ARHGAP11A: variants seen among roughly 807,000 people sequenced by gnomAD.
ARHGAP11A encodes rho GTPase-activating protein 11A.
In ARHGAP11A, 36 loss-of-function variants were observed where a neutral mutation model predicts 60.5. That is an observed-to-expected ratio of 0.59 (90% CI 0.46 to 0.79). ARHGAP11A has a LOEUF of 0.79. Ranked by LOEUF, ARHGAP11A falls within the 30% of genes least tolerant of loss-of-function variation. ARHGAP11A has a pLI of 0.00. For synonymous variants in ARHGAP11A, 362 were observed against 415.5 expected (o/e 0.87, Z 1.57); for missense variants, 1,071 against 1,199.2 (o/e 0.89, Z 1.58).
chr15:32,624,828 T>C (rs2053420138), intron 4 of ARHGAP11A, among the ~76,000 whole-genome samples: 1 of 151,518 alleles, frequency 6.6e-6, no homozygotes, highest in Non-Finnish European at 1.5e-5. Context: ...CAGATAAAGA[T>C]GTTCAATTTG....
intron 8 of ARHGAP11A, 97 bp from the exon 9 acceptor site, chr15:32,632,882 G>T: frequency 8.7e-7 from 1 of 1,151,872 alleles, no homozygotes; most frequent in African/African-American, 1.6e-5. Context: ...GCTTGGGATA[G>T]AAATTAAGGC....
At chr15:32,635,694 A>G in intron 10 of ARHGAP11A, 83 bp from the exon 11 acceptor site, 3 of 971,630 alleles carry the variant, frequency 3.1e-6, no homozygotes, top group Non-Finnish European at 4.2e-6. Context: ...AAAGATTTTG[A>G]TAACTACAAA....
chr15:32,634,894 C>T (rs1255104356), intron 10 of ARHGAP11A, among the ~76,000 whole-genome samples: 1 of 152,200 alleles, frequency 6.6e-6, no homozygotes, highest in Admixed American at 6.5e-5. Flanking sequence ...TACTACTTTT[C>T]CCACTTTCTC....
Position 32,639,222 on chromosome 15 carries a change from A to G in ARHGAP11A, c.*1377A>G, listed in dbSNP as rs1567063465. ...GTAGAGGAAGGAATAAGCAGACAGA[A>G]TCAACCACTAAAGGTAGTTTTTCAG... On this transcript the variant is annotated 3_prime_UTR_variant, in exon 12 of 12. Transcript: ENST00000361627. 2 of 152,254 alleles carry G rather than the reference A, an allele frequency of 1.3e-5. No homozygotes were observed. The highest frequency in any genetic ancestry group is 4.8e-5 in the African/African-American group (2 of 41,466). The allele number at this position is 152,254 out of a possible 1,614,324, so 9.4% of individuals were successfully genotyped here.
At chr15:32,630,946 C>T (rs1213179208) in intron 8 of ARHGAP11A, among the ~76,000 whole-genome samples, 1 of 152,046 alleles carries the variant, frequency 6.6e-6, no homozygotes, top group African/African-American at 2.4e-5. Context: ...TTCTACCTGC[C>T]TTTGCTTATT....
Position 32,627,791 on chromosome 15 carries a change from C to T in ARHGAP11A, c.863-937C>T, listed in dbSNP as rs545989694. On this transcript the variant is annotated intron_variant, in intron 6 of 11. Coordinates refer to ENST00000361627, the MANE Select transcript of ARHGAP11A (RefSeq NM_014783.6). ...ATGCCTCCTCCTTGAATCTACCCTA[C>T]ATATTGCTATTAAGGCTCACTTTTT... Among the ~76,000 whole-genome samples, 3 of 148,260 alleles carry T rather than the reference C, an allele frequency of 2.0e-5. No homozygotes were observed. The East Asian group carries it at 6.1e-4, about 30-fold the overall frequency.
chr15:32,617,560 C>T (rs55975208), intron 1 of ARHGAP11A, among the ~76,000 whole-genome samples: 20,030 of 149,928 alleles, frequency 0.13, 1,648 homozygotes, highest in East Asian at 0.26. Flanking sequence ...CAAGCTCTGC[C>T]TCCCGGGTTC....
chr15:32,637,571 A>G lies in ARHGAP11A; in HGVS notation c.2798A>G (p.Lys933Arg), dbSNP rs2053753797. Residue 933 changes from lysine to arginine, a missense_variant, in exon 12 of 12, where the codon AAG (lysine) becomes AGG (arginine). Around this residue, in one of 4 missense-constraint regions of ARHGAP11A, gnomAD observed 776 missense variants for 760.2 expected, o/e 1.02. Coordinates refer to ENST00000361627, the MANE Select transcript of ARHGAP11A (RefSeq NM_014783.6). ...TCGAAATCTTTCTTAAAGATGAGGAAGCACCCAGATTCAGTGAATGCTTCT... is the reference window on the plus strand; with the variant it reads ...TCGAAATCTTTCTTAAAGATGAGGAGGCACCCAGATTCAGTGAATGCTTCT... ...LPSKSFLKMRKHPDSVNASLR... is the reference protein window; with the variant it reads ...LPSKSFLKMRRHPDSVNASLR... The G allele has an allele frequency of 6.2e-7, 1 of 1,614,100 alleles. No homozygotes were observed. Among genetic ancestry groups the G allele is most frequent in the African/African-American group, 1.3e-5 (1 of 74,944 alleles).
Position 32,637,448 on chromosome 15 carries a change from CTG to C in ARHGAP11A, c.2677_2678del (p.Val893PhefsTer8). ...ATAGAAAGTGCATCAAAAGATTCCTCTGTTTCATGTATCAAATCAGGTCCTAA... is the reference window on the plus strand; with the variant it reads ...ATAGAAAGTGCATCAAAAGATTCCTCTTTCATGTATCAAATCAGGTCCTAA... On this transcript the variant is annotated frameshift_variant, in exon 12 of 12. Transcript: ENST00000361627. LOFTEE classifies it low-confidence loss of function (END_TRUNC). The C allele has an allele frequency of 6.2e-7, 1 of 1,614,066 alleles. No individual in the cohort carries two copies. Among genetic ancestry groups the C allele is most frequent in the Non-Finnish European group, 8.5e-7 (1 of 1,180,026 alleles).
Position 32,637,245 on chromosome 15 carries a change from A to T in ARHGAP11A, c.2472A>T (p.Arg824Ser). ...FNKLSLNEPN[R>S]IKVKSPLKFQ... Reference sequence around the variant, plus strand: ...AGCTTTCTTTAAATGAACCAAATAGAATAAAAGTCAAGTCACCTCTTAAGT... The same window carrying T: ...AGCTTTCTTTAAATGAACCAAATAGTATAAAAGTCAAGTCACCTCTTAAGT... The change falls in exon 12 of 12, where the codon AGA becomes AGT. Residue 824 changes from arginine to serine, a missense_variant. Physicochemically the swap from Arg to Ser is moderately radical, Grantham distance 110. This residue lies in a region of ARHGAP11A where 776 missense variants were observed against 760.2 expected (regional missense o/e 1.02). Transcript: ENST00000361627. The T allele has an allele frequency of 1.2e-6, 2 of 1,614,234 alleles. No individual in the cohort carries two copies. Among genetic ancestry groups the T allele is most frequent in the Non-Finnish European group, 1.7e-6 (2 of 1,180,042 alleles).
chr15:32,619,290 T>C lies in ARHGAP11A; in HGVS notation c.130-818T>C, dbSNP rs1415053001. Among the ~76,000 whole-genome samples, 4 of 152,188 alleles carry C rather than the reference T, an allele frequency of 2.6e-5. No individual in the cohort carries two copies. In the East Asian group the frequency reaches 7.7e-4, roughly 29 times the overall value. On this transcript the variant is annotated intron_variant, in intron 1 of 11. Transcript: ENST00000361627. The stretch of plus-strand genomic sequence containing the variant: ...CCACTTAAGTTTGAATAACCAGACA[T>C]TTACAGGCTTGAATTTACCTTTCAG...
Position 32,636,379 on chromosome 15 carries a change from G to A in ARHGAP11A, c.1606G>A (p.Glu536Lys), listed in dbSNP as rs2053713974. 1 of 1,613,970 alleles carries A rather than the reference G, an allele frequency of 6.2e-7. No individual in the cohort carries two copies. Among genetic ancestry groups the A allele is most frequent in the South Asian group, 1.1e-5 (1 of 91,082 alleles). Reference protein sequence around the residue: ...NSSFQEVDANEASSMVENLEV... With the variant: ...NSSFQEVDANKASSMVENLEV... ...AAGTTTTCAAGAAGTAGATGCAAAT[G>A]AAGCTTCTTCAATGGTGGAAAATCT... is the stretch of plus-strand genomic sequence containing the variant. Residue 536 changes from glutamate to lysine, a missense_variant, in exon 12 of 12, where the codon GAA (glutamate) becomes AAA (lysine). Glu to Lys is a moderately conservative substitution (Grantham distance 56). Coordinates refer to ENST00000361627, the MANE Select transcript of ARHGAP11A (RefSeq NM_014783.6).
chr15:32,623,373 A>G (rs2053382475), intron 2 of ARHGAP11A, 119 bp from the exon 3 acceptor site: 3 of 834,274 alleles, frequency 3.6e-6, no homozygotes, highest in African/African-American at 3.5e-5. Context: ...CAAAGACTAC[A>G]GAGATTTGTG....
intron 6 of ARHGAP11A, among the ~76,000 whole-genome samples, chr15:32,627,770 C>G (rs2053500098): frequency 6.6e-6 from 1 of 151,374 alleles, no homozygotes; most frequent in South Asian, 2.1e-4. Flanking sequence ...GTCTTTATGC[C>G]TCCTCCTTGA....
At chr15:32,622,374 C>T (rs1197587462) in intron 2 of ARHGAP11A, among the ~76,000 whole-genome samples, 2 of 152,096 alleles carry the variant, frequency 1.3e-5, no homozygotes, top group Non-Finnish European at 2.9e-5. Flanking sequence ...GCAGTGATCG[C>T]ACCACTCCAG....
intron 8 of ARHGAP11A, among the ~76,000 whole-genome samples, chr15:32,632,569 A>G (rs1057394454): frequency 2.2e-4 from 34 of 152,254 alleles, no homozygotes; most frequent in African/African-American, 8.2e-4. Flanking sequence ...CTGACTAAAT[A>G]TTTTATATAG....
chr15:32,618,770 C>G (rs1006752931), intron 1 of ARHGAP11A, among the ~76,000 whole-genome samples: 8 of 129,336 alleles, frequency 6.2e-5, no homozygotes, highest in African/African-American at 2.3e-4. Flanking sequence ...CCCCCCCCCC[C>G]CGCCCCACGT....
intron 2 of ARHGAP11A, among the ~76,000 whole-genome samples, chr15:32,621,832 A>G (rs1202991325): frequency 2.0e-4 from 31 of 151,896 alleles, no homozygotes; most frequent in Non-Finnish European, 8.8e-5. Flanking sequence ...AAAAAAAAAA[A>G]AAAAAAAGAA....
chr15:32,632,533 C>G (rs564910461), intron 8 of ARHGAP11A, among the ~76,000 whole-genome samples: 1 of 151,986 alleles, frequency 6.6e-6, no homozygotes, highest in African/African-American at 2.4e-5. Flanking sequence ...TTTATAATAC[C>G]ATTAATTGGT....
Sources: gnomAD v4.1 joint callset for allele counts (sites outside exome capture counted in the v4.1 genomes callset) on GRCh38, gnomAD v4.1.1 for gene constraint, gnomAD v4.1.1 regional missense constraint, MANE v1.5 for transcripts, NCBI Gene and HGNC (gene_info 2026-07-23, HGNC 2026-07-21) for gene names.